Variants in UGGT1 observed in about 807,000 individuals in gnomAD.
UGGT1 encodes UDP-glucose:glycoprotein glucosyltransferase 1.
In UGGT1, 107 loss-of-function variants were observed where a neutral mutation model predicts 203.9. The ratio of observed to expected loss-of-function variants is 0.52; its 90% CI spans 0.45 to 0.62. UGGT1 has a LOEUF of 0.62. Among genes scored for constraint, UGGT1 ranks in the 20% least tolerant of loss-of-function variants. The probability of loss-of-function intolerance (pLI) is 0.00; values close to 1 mark genes in which losing one functional copy is unlikely to be tolerated. For missense variants in UGGT1, 1,673 were observed against 1,867.2 expected (o/e 0.90, Z 1.92); for synonymous variants, 628 against 653.5 (o/e 0.96, Z 0.59).
intron 16 of UGGT1, among the ~76,000 whole-genome samples, chr2:128,140,945 C>T (rs942953509): frequency 1.3e-5 from 2 of 152,024 alleles, no homozygotes; most frequent in Non-Finnish European, 2.9e-5. Flanking sequence ...GCCTTGGCCT[C>T]CCAAAGTGCT....
chr2:128,182,313 A>T, intron 37 of UGGT1, 23 bp downstream of exon 37: 2 of 1,597,326 alleles, frequency 1.3e-6, no homozygotes, highest in Non-Finnish European at 1.7e-6. Context: ...AGCACTCCTA[A>T]CACTGTTACG....
Position 128,091,245 on chromosome 2 carries a change from G to A in UGGT1, c.-113G>A. The A allele has an allele frequency of 8.3e-7, 1 of 1,204,424 alleles. No individual in the cohort carries two copies. Among genetic ancestry groups the A allele is most frequent in the Non-Finnish European group, 1.1e-6 (1 of 894,348 alleles). The allele number at this position is 1,204,424 out of a possible 1,614,324, so 74.6% of individuals were successfully genotyped here. A position where few individuals can be genotyped will look rare whatever the true frequency, so the allele number is the denominator to read the frequency against. On this transcript the variant is annotated 5_prime_UTR_variant, in exon 1 of 41. Coordinates refer to ENST00000259253, the MANE Select transcript of UGGT1 (RefSeq NM_020120.4). ...AGGCTGGGTGTTGAGTCGAGCCGCG[G>A]GAAAGGCGCGTGTCGGCCTCTCACT...
intron 16 of UGGT1, chr2:128,140,567 A>G (rs1324750934): frequency 6.6e-6 from 1 of 152,222 alleles, no homozygotes; most frequent in Non-Finnish European, 1.5e-5. Flanking sequence ...CAGCGTGACC[A>G]TTGAAGCCAG....
At chr2:128,151,957 AGTT>A (rs1308882340) in intron 18 of UGGT1, among the ~76,000 whole-genome samples, 9 of 152,250 alleles carry the variant, frequency 5.9e-5, no homozygotes, top group Non-Finnish European at 1.5e-5. Flanking sequence ...ACATTTGCAC[AGTT>A]GTTGACACAT....
intron 20 of UGGT1, among the ~76,000 whole-genome samples, chr2:128,155,848 G>A (rs1447254278): frequency 6.6e-6 from 1 of 151,982 alleles, no homozygotes; most frequent in Non-Finnish European, 1.5e-5. Context: ...AAGTCAAAAG[G>A]AAAAATATTT....
At position 128,115,146 on chromosome 2, in the gene UGGT1, A is replaced by G. The variant is rs776216392; in HGVS notation, c.719A>G (p.Tyr240Cys). Residue 240 changes from tyrosine (Y) to cysteine (C), a missense_variant, in exon 7 of 41, where the codon TAC becomes TGC. By Grantham distance (194) the Tyr-to-Cys change is radical. Coordinates refer to ENST00000259253, the MANE Select transcript of UGGT1 (RefSeq NM_020120.4). ...YIFNPRKEPV[Y>C]LSGYGVELAI... Reference sequence around the variant, plus strand: ...CAGAATCCCAGGAAGGAGCCTGTTTACCTCTCTGGCTATGGCGTGGAATTG... The same window carrying G: ...CAGAATCCCAGGAAGGAGCCTGTTTGCCTCTCTGGCTATGGCGTGGAATTG... 63 of 1,613,876 alleles carry G rather than the reference A, an allele frequency of 3.9e-5. No homozygotes were observed. Among genetic ancestry groups the G allele is most frequent in the Non-Finnish European group, 5.0e-5 (59 of 1,179,952 alleles).
At chr2:128,095,395 T>TCCTTCCCCTTCCCCTTTA in intron 1 of UGGT1, among the ~76,000 whole-genome samples, 1 of 145,332 alleles carries the variant, frequency 6.9e-6, no homozygotes, top group Admixed American at 6.9e-5. Context: ...CTTCCCCTTC[T>TCCTTCCCCTTCCCCTTTA]CCTTCCCCTT....
chr2:128,152,988 A>G, intron 19 of UGGT1, 84 bp downstream of exon 19: 1 of 1,589,230 alleles, frequency 6.3e-7, no homozygotes, highest in East Asian at 2.2e-5. Flanking sequence ...TAATATTCTG[A>G]TTATCTTCTG....
rs540268440 is a variant in UGGT1 at position 128,161,068 on chromosome 2, G to A, written c.2695-70G>A. On this transcript the variant is annotated intron_variant, in intron 24 of 40. Transcript: ENST00000259253. ...ATGAGGTAGCCTGAGGACGCCAGAG[G>A]GTTCCTTACCAGCTTGCTGAGTGCA... is the stretch of plus-strand genomic sequence containing the variant. The A allele has an allele frequency of 1.1e-5, 17 of 1,578,420 alleles. No homozygotes were observed. The African/African-American group carries it at 2.0e-4, about 19-fold the overall frequency.
At chr2:128,174,429 G>A (rs1691272738) in intron 30 of UGGT1, among the ~76,000 whole-genome samples, 1 of 151,410 alleles carries the variant, frequency 6.6e-6, no homozygotes, top group African/African-American at 2.4e-5. Flanking sequence ...CTCCTGAGTA[G>A]CTGGGATTAC....
intron 30 of UGGT1, among the ~76,000 whole-genome samples, chr2:128,174,554 G>A (rs1691279454): frequency 6.6e-6 from 1 of 152,158 alleles, no homozygotes; most frequent in Non-Finnish European, 1.5e-5. Context: ...ACCTGCCGTG[G>A]TCTCCCGAAG....
At chr2:128,178,931 A>G (rs1189162149) in intron 34 of UGGT1, among the ~76,000 whole-genome samples, 2 of 152,190 alleles carry the variant, frequency 1.3e-5, no homozygotes, top group Non-Finnish European at 2.9e-5. Flanking sequence ...CCTTGTAAAG[A>G]TTCACAGGAT....
intron 1 of UGGT1, among the ~76,000 whole-genome samples, chr2:128,093,866 C>T (rs543639977): frequency 6.6e-6 from 1 of 152,318 alleles, no homozygotes; most frequent in African/African-American, 2.4e-5. Flanking sequence ...TGCCAGGCAT[C>T]ATGCTGTGCA....
At chr2:128,125,646 T>A (rs6430993) in intron 11 of UGGT1, among the ~76,000 whole-genome samples, 136,998 of 152,184 alleles carry the variant, frequency 0.9, 62,445 homozygotes, top group Non-Finnish European at 0.98. Flanking sequence ...GAGGGAAAAA[T>A]GTTCTTATGT....
chr2:128,178,364 C>T (rs775005571), intron 33 of UGGT1, 104 bp from the exon 34 acceptor site: 47 of 996,172 alleles, frequency 4.7e-5, no homozygotes, highest in African/African-American at 8.2e-5. Flanking sequence ...GCAGCTCACC[C>T]GCTAGGGAAG....
chr2:128,092,309 T>G (rs563292560), intron 1 of UGGT1, among the ~76,000 whole-genome samples: 57 of 116,096 alleles, frequency 4.9e-4, no homozygotes, highest in African/African-American at 1.7e-3. Flanking sequence ...TGAAGCTTAT[T>G]TTAAAAAAAT....
At chr2:128,100,583 T>G (rs553739928) in intron 2 of UGGT1, among the ~76,000 whole-genome samples, 1 of 147,284 alleles carries the variant, frequency 6.8e-6, no homozygotes, top group East Asian at 2.0e-4. Context: ...ATTTTGTATT[T>G]TTTTTTTTTT....
intron 2 of UGGT1, among the ~76,000 whole-genome samples, chr2:128,098,192 A>T (rs1687201763): frequency 6.6e-6 from 1 of 152,190 alleles, no homozygotes; most frequent in Non-Finnish European, 1.5e-5. Context: ...CCTTATTTGA[A>T]GGAAGTTTTA....
intron 10 of UGGT1, among the ~76,000 whole-genome samples, 184 bp downstream of exon 10, chr2:128,121,482 C>T (rs757372671): frequency 2.0e-5 from 3 of 147,986 alleles, no homozygotes; most frequent in Non-Finnish European, 4.4e-5. Flanking sequence ...CTCGGCTTAC[C>T]ACAACCTCCG....
Sources: allele counts gnomAD v4.1 joint callset (sites outside exome capture counted in the v4.1 genomes callset), GRCh38; gene constraint gnomAD v4.1.1; transcripts MANE v1.5; gene names NCBI Gene and HGNC (gene_info 2026-07-23, HGNC 2026-07-21).